TRPS1: variants seen among roughly 807,000 people sequenced by gnomAD.
The protein encoded by TRPS1 is zinc finger transcription factor Trps1.
In TRPS1, 6 loss-of-function variants were observed where a neutral mutation model predicts 101.2. That is an observed-to-expected ratio of 0.06 (90% confidence interval 0.03 to 0.12). The LOEUF (loss-of-function observed/expected upper bound fraction) is 0.12, where lower values mean the gene tolerates loss of function less well. Among genes scored for constraint, TRPS1 ranks in the 10% least tolerant of loss-of-function variants. The pLI is 1.00. For synonymous variants in TRPS1, 578 were observed against 589.8 expected (o/e 0.98, Z 0.29); for missense variants, 1,363 against 1,567.0 (o/e 0.87, Z 2.20).
At chr8:115,536,692 A>G (rs1563584887) in intron 5 of TRPS1, among the ~76,000 whole-genome samples, 1 of 151,866 alleles carries the variant, frequency 6.6e-6, no homozygotes, top group Non-Finnish European at 1.5e-5. Context: ...CAACCTGTTC[A>G]CTATCATCAT....
intron 5 of TRPS1, among the ~76,000 whole-genome samples, chr8:115,421,133 C>T (rs749457537): frequency 7.2e-5 from 11 of 151,926 alleles, no homozygotes; most frequent in Non-Finnish European, 1.6e-4. Context: ...TACAGGCATG[C>T]GCCACCATGA....
At chr8:115,484,293 C>A (rs992726366) in intron 5 of TRPS1, among the ~76,000 whole-genome samples, 1 of 151,972 alleles carries the variant, frequency 6.6e-6, no homozygotes, top group Non-Finnish European at 1.5e-5. Context: ...TACAGGTAAA[C>A]ACAATATCAT....
chr8:115,473,331 C>T (rs1389848334), intron 5 of TRPS1, among the ~76,000 whole-genome samples: 1 of 152,064 alleles, frequency 6.6e-6, no homozygotes, highest in African/African-American at 2.4e-5. Context: ...GGGAAATGCC[C>T]CTTATAAAAC....
At chr8:115,544,646 C>T (rs1337482686) in intron 5 of TRPS1, among the ~76,000 whole-genome samples, 1 of 152,174 alleles carries the variant, frequency 6.6e-6, no homozygotes, top group African/African-American at 2.4e-5. Context: ...TTTCTATCAA[C>T]AAGGATTCAA....
chr8:115,511,299 T>A (rs1055077325), intron 5 of TRPS1: 4 of 151,890 alleles, frequency 2.6e-5, no homozygotes, highest in African/African-American at 4.8e-5. Context: ...TGCTGAGAAA[T>A]ATTTTTCTCA....
intron 5 of TRPS1, among the ~76,000 whole-genome samples, chr8:115,536,322 C>A (rs190059105): frequency 6.6e-6 from 1 of 151,936 alleles, no homozygotes; most frequent in African/African-American, 2.4e-5. Context: ...AGATTGAGAT[C>A]ATCCTGGCTA....
intron 5 of TRPS1, among the ~76,000 whole-genome samples, chr8:115,466,166 T>TA (rs1317285119): frequency 6.6e-6 from 1 of 152,108 alleles, no homozygotes; most frequent in African/African-American, 2.4e-5. Context: ...AAGTGGTGGC[T>TA]AAAAAAACTT....
chr8:115,602,364 C>T (rs1817928327), intron 4 of TRPS1, among the ~76,000 whole-genome samples: 1 of 152,184 alleles, frequency 6.6e-6, no homozygotes, highest in African/African-American at 2.4e-5. Context: ...GCTAGTAAAG[C>T]TCAGAAAGCA....
intron 5 of TRPS1, among the ~76,000 whole-genome samples, chr8:115,450,750 G>A (rs755037669): frequency 6.6e-6 from 1 of 152,164 alleles, no homozygotes; most frequent in Non-Finnish European, 1.5e-5. Flanking sequence ...CCACACACAT[G>A]TGCCTCATTC....
At chr8:115,462,053 C>T (rs535675885) in intron 5 of TRPS1, among the ~76,000 whole-genome samples, 3 of 152,218 alleles carry the variant, frequency 2.0e-5, no homozygotes, top group African/African-American at 7.2e-5. Flanking sequence ...CAAAATTTAA[C>T]GTATATCATT....
intron 5 of TRPS1, among the ~76,000 whole-genome samples, chr8:115,454,074 G>A (rs137978985): frequency 6.6e-6 from 1 of 152,106 alleles, no homozygotes; most frequent in Non-Finnish European, 1.5e-5. Flanking sequence ...TGGTGCCCTG[G>A]AAATTATAGG....
chr8:115,633,782 T>C (rs1055991775), intron 1 of TRPS1, among the ~76,000 whole-genome samples: 2 of 152,200 alleles, frequency 1.3e-5, no homozygotes, highest in Non-Finnish European at 2.9e-5. Flanking sequence ...GTGTGCTAGA[T>C]TCTACCTTCA....
At chr8:115,547,519 G>C (rs1816603364) in intron 5 of TRPS1, among the ~76,000 whole-genome samples, 1 of 152,116 alleles carries the variant, frequency 6.6e-6, no homozygotes, top group African/African-American at 2.4e-5. Context: ...TGATTCTCTG[G>C]TCATTAAACG....
intron 5 of TRPS1, among the ~76,000 whole-genome samples, chr8:115,585,103 A>G (rs1239343205): frequency 6.6e-6 from 1 of 152,174 alleles, no homozygotes; most frequent in East Asian, 1.9e-4. Flanking sequence ...GAATTTGGCT[A>G]TTATTGTAGA....
At chr8:115,518,021 C>G (rs1174687490) in intron 5 of TRPS1, among the ~76,000 whole-genome samples, 1 of 134 alleles carries the variant, frequency 7.5e-3, no homozygotes. Flanking sequence ...CAAACATCCA[C>G]CAGTGTAGGA....
chr8:115,461,918 C>T (rs757467898), intron 5 of TRPS1, among the ~76,000 whole-genome samples: 8 of 151,972 alleles, frequency 5.3e-5, no homozygotes, highest in Non-Finnish European at 1.0e-4. Flanking sequence ...CAAATTCCAA[C>T]CTTAAAAAAA....
intron 5 of TRPS1, among the ~76,000 whole-genome samples, chr8:115,519,256 T>G (rs1815798180): frequency 6.6e-6 from 1 of 151,726 alleles, no homozygotes; most frequent in African/African-American, 2.4e-5. Flanking sequence ...AAAAACTAAG[T>G]AGAAACACAT....
chr8:115,451,212 C>A (rs972593959), intron 5 of TRPS1, among the ~76,000 whole-genome samples: 1 of 152,154 alleles, frequency 6.6e-6, no homozygotes, highest in Non-Finnish European at 1.5e-5. Context: ...AAATGTGTGG[C>A]ATGCTGTGTT....
intron 5 of TRPS1, among the ~76,000 whole-genome samples, chr8:115,498,391 CTCTCTCTCTCTCTCTCTCTCTCTCTA>C (rs1815206513): frequency 1.3e-5 from 1 of 74,904 alleles, no homozygotes. Context: ...CTCTCTCTCT[CTCTCTCTCTCTCTCTCTCTCTCTCTA>C]TATATATATA....
Sources: gnomAD v4.1 joint callset for allele counts (sites outside exome capture counted in the v4.1 genomes callset) on GRCh38, gnomAD v4.1.1 for gene constraint, MANE v1.5 for transcripts, NCBI Gene and HGNC (gene_info 2026-07-23, HGNC 2026-07-21) for gene names.